SV2C: variants seen among roughly 807,000 people sequenced by gnomAD.
SV2C encodes the protein synaptic vesicle glycoprotein 2C.
Under a neutral mutation model 79.7 loss-of-function variants are expected in SV2C, and 49 were observed. That is an observed-to-expected ratio of 0.61 (90% CI 0.49 to 0.78). SV2C has a LOEUF of 0.78. Ranked by LOEUF, SV2C falls within the 30% of genes least tolerant of loss-of-function variation. The pLI is 0.00. For synonymous variants in SV2C, 334 were observed against 333.2 expected, an observed-to-expected ratio of 1.00 and a Z score of -0.03; for missense variants, 833 against 912.9, an observed-to-expected ratio of 0.91 and a Z score of 1.13.
At chr5:76,240,512 A>G (rs1468957856) in intron 4 of SV2C, among the ~76,000 whole-genome samples, 1 of 152,214 alleles carries the variant, frequency 6.6e-6, no homozygotes, top group Non-Finnish European at 1.5e-5. Context: ...CTAAAAGACA[A>G]CAGAAGGCAG....
chr5:76,353,297 A>G (rs1749678006), exon 13 of SV2C: 5 of 278,880 alleles, frequency 1.8e-5, no homozygotes, highest in South Asian at 1.4e-4. Context: ...AATATATTAT[A>G]CAAGGTCTTG....
the SV2C span, among the ~76,000 whole-genome samples, chr5:75,989,139 T>C: frequency 1.3e-5 from 2 of 151,936 alleles, no homozygotes; most frequent in Admixed American, 1.3e-4. Flanking sequence ...CCACCTTTTT[T>C]TCTTTTCCTT....
the SV2C span, among the ~76,000 whole-genome samples, chr5:75,924,461 A>T: frequency 1.3e-5 from 2 of 152,222 alleles, no homozygotes; most frequent in African/African-American, 4.8e-5. Context: ...TGTCTTATAC[A>T]ATAAAAATAA....
At chr5:76,176,155 G>A (rs148418964) in intron 2 of SV2C, among the ~76,000 whole-genome samples, 37 of 152,246 alleles carry the variant, frequency 2.4e-4, no homozygotes, top group African/African-American at 7.7e-4. Flanking sequence ...AGTTTACTAC[G>A]TTTAGTCTAA....
chr5:76,243,429 G>A (rs1316226144), intron 4 of SV2C, among the ~76,000 whole-genome samples: 1 of 152,176 alleles, frequency 6.6e-6, no homozygotes, highest in Non-Finnish European at 1.5e-5. Flanking sequence ...TGGGAGCACA[G>A]AGGCAGTCCA....
intron 9 of SV2C, among the ~76,000 whole-genome samples, chr5:76,296,513 T>G (rs1290955532): frequency 6.6e-6 from 1 of 152,188 alleles, no homozygotes; most frequent in Non-Finnish European, 1.5e-5. Flanking sequence ...TACTTCTTGA[T>G]GACAAGAGAG....
Position 76,300,768 on chromosome 5 carries a change from A to C in SV2C, c.1676A>C (p.Asn559Thr). Reference protein sequence around the residue: ...PYKFIDSEFKNCSFFHNKTGC... With the variant: ...PYKFIDSEFKTCSFFHNKTGC... ...AAATTCATTGACAGTGAATTTAAAA[A>C]CTGCTCGTTTTTTCACAACAAGACG... Residue 559 changes from asparagine (N) to threonine (T), a missense_variant, in exon 11 of 13, where the codon AAC becomes ACC. Physicochemically the swap from Asn to Thr is moderately conservative, Grantham distance 65 (BLOSUM62 0). Transcript: ENST00000502798. 1 of 1,614,116 alleles carries C rather than the reference A, an allele frequency of 6.2e-7. No homozygotes were observed.
chr5:76,268,547 T>C (rs1444538370), intron 4 of SV2C, among the ~76,000 whole-genome samples: 5 of 152,218 alleles, frequency 3.3e-5, no homozygotes, highest in Non-Finnish European at 7.3e-5. Flanking sequence ...AGGATGCTGT[T>C]TCCCTATTCC....
chr5:75,949,540 G>A, the SV2C span, among the ~76,000 whole-genome samples: 1 of 151,992 alleles, frequency 6.6e-6, no homozygotes, highest in Non-Finnish European at 1.5e-5. Flanking sequence ...TGTTGTGGGA[G>A]GGACGTGGTG....
At chr5:76,035,405 C>T in the SV2C span, among the ~76,000 whole-genome samples, 363 of 152,108 alleles carry the variant, frequency 2.4e-3, 3 homozygotes, top group African/African-American at 8.3e-3. Context: ...AAATTTCCCT[C>T]TACACACTGT....
At chr5:76,047,959 T>C in the SV2C span, among the ~76,000 whole-genome samples, 8 of 151,972 alleles carry the variant, frequency 5.3e-5, no homozygotes, top group Non-Finnish European at 1.2e-4. Flanking sequence ...TTTAACAATA[T>C]ATTGTATTCT....
the SV2C span, among the ~76,000 whole-genome samples, chr5:75,895,966 C>T: frequency 9.9e-5 from 15 of 152,076 alleles, no homozygotes; most frequent in Admixed American, 6.6e-5. Flanking sequence ...ATATTAAATA[C>T]ATTTGCACTA....
the SV2C span, among the ~76,000 whole-genome samples, chr5:75,954,774 T>C: frequency 9.4e-5 from 14 of 149,016 alleles, no homozygotes; most frequent in African/African-American, 3.6e-4. Context: ...AGCCAAATCA[T>C]GAGTGAACTC....
intron 4 of SV2C, among the ~76,000 whole-genome samples, chr5:76,223,633 A>G (rs1189237527): frequency 6.6e-6 from 1 of 151,534 alleles, no homozygotes; most frequent in African/African-American, 2.4e-5. Context: ...TCTCCTCCCA[A>G]CACAGCATGC....
the SV2C span, among the ~76,000 whole-genome samples, chr5:75,973,919 T>C: frequency 6.6e-6 from 1 of 152,022 alleles, no homozygotes; most frequent in Non-Finnish European, 1.5e-5. Flanking sequence ...ATCTCTTATT[T>C]GCACTATTTT....
chr5:75,855,519 T>C, the SV2C span, among the ~76,000 whole-genome samples: 4 of 152,198 alleles, frequency 2.6e-5, no homozygotes, highest in Admixed American at 2.0e-4. Flanking sequence ...AACAAGTGCA[T>C]TGACAGCATT....
chr5:76,032,501 G>C, the SV2C span, among the ~76,000 whole-genome samples: 1 of 151,974 alleles, frequency 6.6e-6, no homozygotes, highest in African/African-American at 2.4e-5. Context: ...TGCGGTGTTG[G>C]GTTTTTTGTT....
chr5:76,126,719 C>T (rs746150280), intron 1 of SV2C, among the ~76,000 whole-genome samples: 4 of 151,902 alleles, frequency 2.6e-5, no homozygotes, highest in Non-Finnish European at 5.9e-5. Context: ...TAGAAGAGCC[C>T]GAGTCTGCTG....
the SV2C span, among the ~76,000 whole-genome samples, chr5:75,868,140 A>T: frequency 6.6e-6 from 1 of 152,224 alleles, no homozygotes; most frequent in East Asian, 1.9e-4. Flanking sequence ...CTCTTAAGGG[A>T]CTAAGAGAGG....
Sources: allele counts gnomAD v4.1 joint callset (sites outside exome capture counted in the v4.1 genomes callset), GRCh38; gene constraint gnomAD v4.1.1; transcripts MANE v1.5; gene names NCBI Gene and HGNC (gene_info 2026-07-23, HGNC 2026-07-21).